The following HOOK1 variants were observed in gnomAD, a reference collection of about 807,000 sequenced individuals.
The protein encoded by HOOK1 is protein Hook homolog 1.
In HOOK1, 60 loss-of-function variants were observed where a neutral mutation model predicts 112.8. The ratio of observed to expected loss-of-function variants is 0.53; its 90% CI spans 0.43 to 0.66. The LOEUF is 0.66. Ranked by LOEUF, HOOK1 falls within the 30% of genes least tolerant of loss-of-function variation. HOOK1 has a pLI of 0.00. For synonymous variants in HOOK1, 294 were observed against 283.8 expected, an observed-to-expected ratio of 1.04 and a Z score of -0.36; for missense variants, 770 against 856.0, an observed-to-expected ratio of 0.90 and a Z score of 1.25.
chr1:59,841,923 G>T (rs1004216465), intron 8 of HOOK1, among the ~76,000 whole-genome samples: 1 of 152,078 alleles, frequency 6.6e-6, no homozygotes, highest in African/African-American at 2.4e-5. Flanking sequence ...TGAAGGAGAT[G>T]CCTGGAACCA....
At chr1:59,825,818 A>G (rs1257096028) in intron 2 of HOOK1, among the ~76,000 whole-genome samples, 1 of 152,204 alleles carries the variant, frequency 6.6e-6, no homozygotes, top group Non-Finnish European at 1.5e-5. Context: ...TAAAGTATAG[A>G]TAGATGTCCA....
chr1:59,839,434 T>G (rs186132577), intron 7 of HOOK1, among the ~76,000 whole-genome samples: 211 of 152,312 alleles, frequency 1.4e-3, no homozygotes, highest in African/African-American at 4.8e-3. Context: ...AGTTGTATTC[T>G]TAGTATTTTA....
Position 59,848,360 on chromosome 1 carries a change from A to G in HOOK1, c.975A>G (p.Ile325Met), listed in dbSNP as rs945932599. ...ATAAACTGGAGTCAACAGTTGAGAT[A>G]TATCGTCAGAAGCTACAAGATCTGA... ...KANKLESTVE[I>M]YRQKLQDLND... The change falls in exon 11 of 22, where the codon ATA becomes ATG. Residue 325 changes from isoleucine to methionine, a missense_variant. By Grantham distance (10) the Ile-to-Met change is conservative (BLOSUM62 1). Around this residue, in one of 3 missense-constraint regions of HOOK1, gnomAD observed 655 missense variants for 725.9 expected, o/e 0.90. Transcript: ENST00000371208. 1.2e-6 allele frequency: 2 copies of G among 1,611,178 alleles called. No individual in the cohort carries two copies. Among genetic ancestry groups the G allele is most frequent in the African/African-American group, 1.3e-5 (1 of 74,774 alleles).
intron 11 of HOOK1, 53 bp from the exon 12 acceptor site, chr1:59,849,020 T>A: frequency 9.7e-7 from 1 of 1,034,310 alleles, no homozygotes; most frequent in Non-Finnish European, 1.4e-6. Flanking sequence ...CTATTGAGAT[T>A]TATACACTTA....
intron 16 of HOOK1, among the ~76,000 whole-genome samples, chr1:59,864,352 T>C (rs1417419060): frequency 6.6e-6 from 1 of 152,042 alleles, no homozygotes; most frequent in East Asian, 1.9e-4. Context: ...TTTTTCAAGT[T>C]CAGATTTAAT....
Position 59,875,378 on chromosome 1 carries a change from A to G in HOOK1, c.*2413A>G, listed in dbSNP as rs768883642. 2.0e-5 allele frequency: 3 copies of G among 152,646 alleles called. No homozygotes were observed. Among genetic ancestry groups the G allele is most frequent in the Non-Finnish European group, 4.4e-5 (3 of 68,004 alleles). The allele number at this position is 152,646 out of a possible 1,614,324, so 9.5% of individuals were successfully genotyped here. A position where few individuals can be genotyped will look rare whatever the true frequency, so the allele number is the denominator to read the frequency against. ...AAACGTTTGATATGTAAGTATTTAT[A>G]TAAGACTAATGTAATTTAAAGTTCT... On this transcript the variant is annotated 3_prime_UTR_variant, in exon 22 of 22. Coordinates refer to ENST00000371208, the MANE Select transcript of HOOK1 (RefSeq NM_015888.6).
At chr1:59,857,243 A>G (rs2098411202) in intron 12 of HOOK1, among the ~76,000 whole-genome samples, 1 of 151,956 alleles carries the variant, frequency 6.6e-6, no homozygotes, top group African/African-American at 2.4e-5. Context: ...CCCCATATCC[A>G]TCCAGTCTGT....
At chr1:59,816,291 T>G (rs964498481) in intron 1 of HOOK1, among the ~76,000 whole-genome samples, 1 of 152,224 alleles carries the variant, frequency 6.6e-6, no homozygotes, top group Non-Finnish European at 1.5e-5. Context: ...GTAAATAACT[T>G]TTGCTTTTAG....
chr1:59,870,292 G>C (rs1241496733), intron 20 of HOOK1, among the ~76,000 whole-genome samples: 6 of 152,214 alleles, frequency 3.9e-5, no homozygotes, highest in African/African-American at 1.4e-4. Context: ...CATTTAATTT[G>C]TGCGTATTCA....
Position 59,872,976 on chromosome 1 carries a change from A to C in HOOK1, c.*11A>C. 1 of 1,437,308 alleles carries C rather than the reference A, an allele frequency of 7.0e-7. No individual in the cohort carries two copies. The highest frequency in any genetic ancestry group is 9.2e-7 in the Non-Finnish European group (1 of 1,081,914). 89.0% of individuals were successfully genotyped at this position (1,437,308 alleles called of 1,614,324 possible). A position where few individuals can be genotyped will look rare whatever the true frequency, so the allele number is the denominator to read the frequency against. ...ACAACATCTGATTAAACTGCAAAAA[A>C]AACAAAACAAAACAAAAAAACCACA... On this transcript the variant is annotated 3_prime_UTR_variant, in exon 22 of 22. Coordinates refer to ENST00000371208, the MANE Select transcript of HOOK1 (RefSeq NM_015888.6).
intron 12 of HOOK1, among the ~76,000 whole-genome samples, chr1:59,856,359 T>G (rs1419315976): frequency 6.6e-6 from 1 of 151,930 alleles, no homozygotes; most frequent in Non-Finnish European, 1.5e-5. Flanking sequence ...ATAATTTCTT[T>G]TAATTCTTTA....
rs1284044265 is a variant in HOOK1, at chr1:59,873,197, T to C, written c.*232T>C. 5.9e-6 allele frequency: 2 copies of C among 337,232 alleles called. No individual in the cohort carries two copies. The highest frequency in any genetic ancestry group is 1.1e-5 in the Non-Finnish European group (2 of 188,784). 20.9% of individuals were successfully genotyped at this position (337,232 alleles called of 1,614,324 possible). On this transcript the variant is annotated 3_prime_UTR_variant, in exon 22 of 22. Coordinates refer to ENST00000371208, the MANE Select transcript of HOOK1 (RefSeq NM_015888.6). ...ATTTGAATAATTGGAGATGCAGTTA[T>C]ACACACATTTCAAACAAACATTTGT... is the stretch of plus-strand genomic sequence containing the variant.
At chr1:59,862,656 A>G in intron 15 of HOOK1, 128 bp from the exon 16 acceptor site, 2 of 600,676 alleles carry the variant, frequency 3.3e-6, no homozygotes, top group Non-Finnish European at 6.1e-6. Context: ...GGCACAGATA[A>G]TTATTCCGCA....
At chr1:59,848,253 A>T in intron 10 of HOOK1, 62 bp from the exon 11 acceptor site, 2 of 1,122,546 alleles carry the variant, frequency 1.8e-6, no homozygotes. Flanking sequence ...TTTTATAGCC[A>T]GAGTAAAATT....
At chr1:59,835,776 A>AT (rs1302606171) in intron 6 of HOOK1, among the ~76,000 whole-genome samples, 1 of 152,130 alleles carries the variant, frequency 6.6e-6, no homozygotes, top group Non-Finnish European at 1.5e-5. Flanking sequence ...ATAATCAGGC[A>AT]TTAGATTCAC....
At chr1:59,860,940 A>AT (rs901831650) in intron 15 of HOOK1, among the ~76,000 whole-genome samples, 9 of 150,916 alleles carry the variant, frequency 6.0e-5, no homozygotes, top group South Asian at 4.2e-4. Context: ...CGCCTGGCTA[A>AT]TTTTTTTTTG....
chr1:59,847,716 CTTAA>C, intron 10 of HOOK1, among the ~76,000 whole-genome samples: 1 of 151,360 alleles, frequency 6.6e-6, no homozygotes, highest in East Asian at 1.9e-4. Context: ...GTTAATTTTT[CTTAA>C]TTATTTTTTG....
At chr1:59,834,274 A>G (rs1247016757) in intron 5 of HOOK1, among the ~76,000 whole-genome samples, 1 of 152,226 alleles carries the variant, frequency 6.6e-6, no homozygotes, top group Admixed American at 6.5e-5. Context: ...AAATACTTCA[A>G]GCCAGGGCCT....
chr1:59,824,553 T>G (rs185126751), intron 2 of HOOK1, among the ~76,000 whole-genome samples: 1 of 152,344 alleles, frequency 6.6e-6, no homozygotes, highest in Non-Finnish European at 1.5e-5. Context: ...CTATTGTGGC[T>G]GACATCGTGT....
Sources: allele counts gnomAD v4.1 joint callset (sites outside exome capture counted in the v4.1 genomes callset), GRCh38; gene constraint gnomAD v4.1.1; regional missense constraint gnomAD v4.1.1; transcripts MANE v1.5; gene names NCBI Gene and HGNC (gene_info 2026-07-23, HGNC 2026-07-21).